The following SRSF10 variants were observed in gnomAD, a reference collection of about 807,000 sequenced individuals.
The protein encoded by SRSF10 is serine and arginine rich splicing factor 10.
SRSF10 carries 9 observed loss-of-function variants against 32.6 expected under a neutral mutation model. The observed-to-expected ratio is 0.28, with a 90% CI of 0.17 to 0.48. SRSF10 has a LOEUF of 0.48. Ranked by LOEUF, SRSF10 falls within the 20% of genes least tolerant of loss-of-function variation. The pLI is 0.99. For synonymous variants in SRSF10, 105 were observed against 112.4 expected (o/e 0.93, Z 0.42); for missense variants, 201 against 331.8 (o/e 0.61, Z 3.06).
intron 2 of SRSF10, 66 bp from the exon 3 acceptor site, chr1:23,975,143 A>T: frequency 1.6e-6 from 2 of 1,240,968 alleles, no homozygotes; most frequent in South Asian, 2.4e-5. Flanking sequence ...TTCAGTTGGT[A>T]TGTCTGGAAC....
chr1:23,975,999 A>G (rs1180050492), intron 2 of SRSF10: 1 of 152,196 alleles, frequency 6.6e-6, no homozygotes, highest in African/African-American at 2.4e-5. Context: ...TGCTGGCTTT[A>G]TATAGCTATT....
In SRSF10 at chr1:23,978,733, T is replaced by C; in HGVS notation, c.150A>G (p.Pro50=). The stretch of plus-strand genomic sequence containing the variant: ...GATATTGAACATAAGCAAATCCTCT[T>C]GGACGGCGAGTGTAGAAATCAAGTG... The part of the protein sequence containing the change: ...YVPLDFYTRR[P]RGFAYVQFED... The change falls in exon 2 of 6, where the codon CCA becomes CCG. Residue 50 remains proline (P), a synonymous_variant. Coordinates refer to ENST00000492112, the MANE Select transcript of SRSF10 (RefSeq NM_054016.4). 1.2e-6 allele frequency: 2 copies of C among 1,613,284 alleles called. No homozygotes were observed. Among genetic ancestry groups the C allele is most frequent in the East Asian group, 2.2e-5 (1 of 44,842 alleles).
intron 1 of SRSF10, 86 bp downstream of exon 1, chr1:23,980,105 C>T (rs1642371711): frequency 7.2e-7 from 1 of 1,398,524 alleles, no homozygotes; most frequent in Non-Finnish European, 9.6e-7. Context: ...CGTCCCCTCC[C>T]CCGGCCCAGT....
intron 1 of SRSF10, 161 bp from the exon 2 acceptor site, chr1:23,978,978 G>C (rs1570794212): frequency 2.8e-6 from 1 of 363,538 alleles, no homozygotes; most frequent in East Asian, 4.6e-5. Flanking sequence ...TGGTACAAGG[G>C]AATGACCACA....
In SRSF10 at chr1:23,967,839, A is replaced by G. The variant is rs1641525068; in HGVS notation, c.*3303T>C. ...CTTACTGGGCCAAATTTTCAAGAGA[A>G]TAATACAATAGTTCCCAGGTCTTTC... On this transcript the variant is annotated 3_prime_UTR_variant, in exon 6 of 6. Transcript: ENST00000492112. 3 of 1,560,262 alleles carry G rather than the reference A, an allele frequency of 1.9e-6. No homozygotes were observed. Among genetic ancestry groups the G allele is most frequent in the East Asian group, 2.3e-5 (1 of 42,860 alleles).
chr1:23,974,864 A>G (rs1641992096), intron 3 of SRSF10, 110 bp downstream of exon 3: 2 of 806,978 alleles, frequency 2.5e-6, no homozygotes, highest in Non-Finnish European at 4.1e-6. Flanking sequence ...AAAGAAAAAA[A>G]AGATCCCTTT....
At chr1:23,971,701 T>A in intron 4 of SRSF10, 75 bp from the exon 5 acceptor site, 1 of 1,538,680 alleles carries the variant, frequency 6.5e-7, no homozygotes, top group Admixed American at 2.0e-5. Flanking sequence ...AAGCAAACCA[T>A]AAAACTTTTA....
At chr1:23,971,746 A>C in intron 4 of SRSF10, 104 bp downstream of exon 4, 2 of 1,492,010 alleles carry the variant, frequency 1.3e-6, no homozygotes, top group Non-Finnish European at 1.8e-6. Context: ...GTCTCAATGA[A>C]ACATTCAATG....
intron 2 of SRSF10, chr1:23,977,868 C>T (rs1401972784): frequency 1.3e-6 from 1 of 782,388 alleles, no homozygotes; most frequent in Non-Finnish European, 1.4e-6. Flanking sequence ...GCTTACAAAA[C>T]ATTAAAAAAA....
At chr1:23,977,716 A>T in intron 2 of SRSF10, 1 of 231,478 alleles carries the variant, frequency 4.3e-6, no homozygotes, top group Non-Finnish European at 7.1e-6. Flanking sequence ...ATTTAATCTT[A>T]AGAATATACA....
At chr1:23,974,109 A>G (rs1376910885) in intron 3 of SRSF10, among the ~76,000 whole-genome samples, 1 of 151,350 alleles carries the variant, frequency 6.6e-6, no homozygotes, top group Non-Finnish European at 1.5e-5. Context: ...CTCCTGCCTC[A>G]GCCTCCCCAG....
intron 2 of SRSF10, chr1:23,975,431 A>G (rs888048827): frequency 1.0e-5 from 2 of 193,028 alleles, no homozygotes; most frequent in African/African-American, 4.7e-5. Flanking sequence ...TGTCAGTTAT[A>G]TGTTGTATGC....
intron 1 of SRSF10, among the ~76,000 whole-genome samples, chr1:23,979,301 A>T (rs1312658926): frequency 8.6e-6 from 1 of 116,752 alleles, no homozygotes; most frequent in Non-Finnish European, 2.0e-5. Flanking sequence ...TTATTTATGG[A>T]AAGAATTATT....
Position 23,980,256 on chromosome 1 carries a change from G to A in SRSF10, c.-1C>T. ...TGGGGGGACGCAGGTAGCGGGACAT[G>A]GCGGCGGCGTGTCTCGGCCGGGCGC... On this transcript the variant is annotated 5_prime_UTR_variant, in exon 1 of 6. Coordinates refer to ENST00000492112, the MANE Select transcript of SRSF10 (RefSeq NM_054016.4). 6.7e-7 allele frequency: 1 copy of A among 1,495,756 alleles called. No homozygotes were observed. The highest frequency in any genetic ancestry group is 8.9e-7 in the Non-Finnish European group (1 of 1,120,442). The allele number at this position is 1,495,756 out of a possible 1,614,324, so 92.7% of individuals were successfully genotyped here.
In SRSF10 at chr1:23,978,796, T is replaced by C; in HGVS notation, c.87A>G (p.Glu29=). ...CAACTATAGGACCATAACGACCAAA[T>C]TCACGCCGCAAGTCTTCAGACCTAA... is the stretch of plus-strand genomic sequence containing the variant. ...DDTRSEDLRR[E]FGRYGPIVDV... is the part of the protein sequence containing the mutation. The change falls in exon 2 of 6, where the codon GAA becomes GAG. Residue 29 remains glutamate, a synonymous_variant. Coordinates refer to ENST00000492112, the MANE Select transcript of SRSF10 (RefSeq NM_054016.4). 1.2e-6 allele frequency: 2 copies of C among 1,605,684 alleles called. No individual in the cohort carries two copies. The highest frequency in any genetic ancestry group is 1.7e-6 in the Non-Finnish European group (2 of 1,175,324).
chr1:23,976,162 T>G (rs1002049098), intron 2 of SRSF10: 3 of 152,248 alleles, frequency 2.0e-5, no homozygotes, highest in Non-Finnish European at 4.4e-5. Flanking sequence ...CATTCTAGTT[T>G]GCACATTTCT....
intron 2 of SRSF10, chr1:23,977,938 C>A: frequency 1.0e-6 from 1 of 984,816 alleles, no homozygotes; most frequent in South Asian, 4.7e-5. Context: ...TAATCTTGGC[C>A]ATCATTCAAC....
rs1393240475 is a variant in SRSF10 at position 23,969,846 on chromosome 1, A to G, written c.*1296T>C. The G allele has an allele frequency of 3.0e-6, 3 of 985,328 alleles. No individual in the cohort carries two copies. The highest frequency in any genetic ancestry group is 3.6e-6 in the Non-Finnish European group (3 of 829,932). 61.0% of individuals were successfully genotyped at this position (985,328 alleles called of 1,614,324 possible). The stretch of plus-strand genomic sequence containing the variant: ...TTTTCCCCAAATTACCTTAAATTTC[A>G]TGGCACCACAGAATCACCTAGAATG... On this transcript the variant is annotated 3_prime_UTR_variant, in exon 6 of 6. Coordinates refer to ENST00000492112, the MANE Select transcript of SRSF10 (RefSeq NM_054016.4).
intron 1 of SRSF10, 73 bp downstream of exon 1, chr1:23,980,118 C>T: frequency 2.1e-6 from 3 of 1,454,056 alleles, no homozygotes; most frequent in South Asian, 1.2e-5. Flanking sequence ...GGCCCAGTGC[C>T]GCCACCACCA....
Sources: allele counts gnomAD v4.1 joint callset (sites outside exome capture counted in the v4.1 genomes callset), GRCh38; gene constraint gnomAD v4.1.1; transcripts MANE v1.5; gene names NCBI Gene and HGNC (gene_info 2026-07-23, HGNC 2026-07-21).